Variants in IGSF10 observed in about 807,000 individuals in gnomAD.
IGSF10 encodes the protein immunoglobulin superfamily member 10.
IGSF10 carries 126 observed loss-of-function variants against 128.2 expected under a neutral mutation model. That is an observed-to-expected ratio of 0.98 (90% CI 0.85 to 1.14). The LOEUF (loss-of-function observed/expected upper bound fraction) is 1.14. Ranked by LOEUF, IGSF10 falls within the 50% of genes most tolerant of loss-of-function variation. The pLI is 0.00. For missense variants in IGSF10, 3,295 were observed against 3,149.8 expected, an observed-to-expected ratio of 1.05 and a Z score of -1.10; for synonymous variants, 1,185 against 1,146.2, an observed-to-expected ratio of 1.03 and a Z score of -0.68.
At chr3:151,577,458 A>G in the IGSF10 span, among the ~76,000 whole-genome samples, 1 of 152,174 alleles carries the variant, frequency 6.6e-6, no homozygotes, top group East Asian at 1.9e-4. Flanking sequence ...GTTGTGTCAC[A>G]TTCTAGACTT....
Position 151,449,184 on chromosome 3 carries a change from C to A in IGSF10, c.797G>T (p.Gly266Val), listed in dbSNP as rs755359430. 5 of 1,613,994 alleles carry A rather than the reference C, an allele frequency of 3.1e-6. No homozygotes were observed. The Admixed American group carries it at 6.7e-5, about 22-fold the overall frequency. Reference protein sequence around the residue: ...PLCMNPRTSKGKPLAMVSAAA... With the variant: ...PLCMNPRTSKVKPLAMVSAAA... Reference sequence around the variant, plus strand: ...AGCTGAGACCATAGCTAACGGCTTGCCTTTAGAAGTCCTAGGGTTCATGCA... The same window carrying A: ...AGCTGAGACCATAGCTAACGGCTTGACTTTAGAAGTCCTAGGGTTCATGCA... The change falls in exon 6 of 8, where the codon GGC (glycine) becomes GTC (valine). Residue 266 changes from glycine (G) to valine (V), a missense_variant. Gly to Val is a moderately radical substitution (Grantham distance 109). Coordinates refer to ENST00000282466, the MANE Select transcript of IGSF10 (RefSeq NM_178822.5).
chr3:151,511,009 C>G, the IGSF10 span, among the ~76,000 whole-genome samples: 147 of 152,058 alleles, frequency 9.7e-4, no homozygotes, highest in African/African-American at 3.4e-3. Flanking sequence ...GAAAGTGATG[C>G]GGAGAATGGA....
chr3:151,525,097 C>T, the IGSF10 span, among the ~76,000 whole-genome samples: 1 of 126,128 alleles, frequency 7.9e-6, no homozygotes, highest in Non-Finnish European at 1.6e-5. Context: ...ACAATTATAG[C>T]TCTCTGTAGC....
the IGSF10 span, among the ~76,000 whole-genome samples, chr3:151,521,355 C>T: frequency 3.6e-4 from 54 of 151,920 alleles, no homozygotes; most frequent in Admixed American, 1.2e-3. Context: ...AACATTGGGC[C>T]AAATGGATTT....
At chr3:151,440,294 T>C (rs1720770308) in intron 7 of IGSF10, among the ~76,000 whole-genome samples, 1 of 152,210 alleles carries the variant, frequency 6.6e-6, no homozygotes, top group South Asian at 2.1e-4. Flanking sequence ...TCTCCCAAAG[T>C]GCTGGAATGA....
the IGSF10 span, among the ~76,000 whole-genome samples, chr3:151,534,740 A>G: frequency 1.3e-5 from 2 of 151,682 alleles, no homozygotes; most frequent in South Asian, 4.2e-4. Flanking sequence ...CCACCACGGC[A>G]TGTGTGTACC....
the IGSF10 span, chr3:151,476,232 C>T: frequency 6.6e-6 from 1 of 152,182 alleles, no homozygotes; most frequent in Non-Finnish European, 1.5e-5. Flanking sequence ...TGCTTTTAAA[C>T]TGCCTCTAAG....
rs1157472724 is a variant in IGSF10 at position 151,446,207 on chromosome 3, A to G, written c.3774T>C (p.Ser1258=). 7 of 1,613,672 alleles carry G rather than the reference A, an allele frequency of 4.3e-6. No homozygotes were observed. The Admixed American group carries it at 8.3e-5, about 19-fold the overall frequency. ...SPFHFTTLST[S]VMQIPSNTLT... ...AGGTATTAGATGGAATTTGCATCAC[A>G]CTTGTTGAAAGTGTGGTGAAATGGA... Residue 1258 remains serine, a synonymous_variant, in exon 6 of 8, where the codon AGT becomes AGC. Transcript: ENST00000282466.
chr3:151,546,588 C>T, the IGSF10 span, among the ~76,000 whole-genome samples: 2 of 151,640 alleles, frequency 1.3e-5, no homozygotes, highest in South Asian at 4.2e-4. Flanking sequence ...AACTCCTGAG[C>T]TCAAATCCCT....
chr3:151,585,921 G>A, the IGSF10 span, among the ~76,000 whole-genome samples: 755 of 151,682 alleles, frequency 5.0e-3, 9 homozygotes, highest in African/African-American at 0.017. Flanking sequence ...GAGATTAAAC[G>A]TTATATTTAT....
At chr3:151,439,157 T>TG (rs1175774280) in intron 7 of IGSF10, among the ~76,000 whole-genome samples, 2 of 152,200 alleles carry the variant, frequency 1.3e-5, no homozygotes, top group Non-Finnish European at 2.9e-5. Context: ...CTAGACACCA[T>TG]GACTTCCTTG....
At chr3:151,452,032 A>G (rs893853554) in intron 5 of IGSF10, among the ~76,000 whole-genome samples, 5 of 152,220 alleles carry the variant, frequency 3.3e-5, no homozygotes, top group Admixed American at 2.0e-4. Flanking sequence ...ACCTGAAGCC[A>G]TGAACAACTG....
intron 3 of IGSF10, 142 bp from the exon 4 acceptor site, chr3:151,457,297 G>T: frequency 1.3e-6 from 1 of 787,476 alleles, no homozygotes; most frequent in Non-Finnish European, 2.0e-6. Context: ...TTCAAAAACT[G>T]AAATTCACCA....
the IGSF10 span, among the ~76,000 whole-genome samples, chr3:151,582,799 C>T: frequency 1.3e-5 from 2 of 152,164 alleles, no homozygotes; most frequent in South Asian, 4.1e-4. Flanking sequence ...TAGTGAGCAA[C>T]ATTTTCTCAT....
the IGSF10 span, among the ~76,000 whole-genome samples, chr3:151,550,119 G>A: frequency 2.6e-5 from 4 of 152,136 alleles, no homozygotes; most frequent in Non-Finnish European, 5.9e-5. Flanking sequence ...ACTTGTAGTA[G>A]TTCATTAATA....
chr3:151,607,622 G>C, the IGSF10 span, among the ~76,000 whole-genome samples: 1 of 151,922 alleles, frequency 6.6e-6, no homozygotes, highest in Non-Finnish European at 1.5e-5. Flanking sequence ...TTAAGAAGTG[G>C]GAACATGGGC....
chr3:151,541,969 A>G, the IGSF10 span, among the ~76,000 whole-genome samples: 4 of 152,120 alleles, frequency 2.6e-5, no homozygotes, highest in Non-Finnish European at 4.4e-5. Flanking sequence ...CTTCATTTTA[A>G]TCTCTTTTCC....
intron 2 of IGSF10, among the ~76,000 whole-genome samples, chr3:151,459,939 G>A (rs1186368751): frequency 6.6e-6 from 1 of 152,132 alleles, no homozygotes; most frequent in Non-Finnish European, 1.5e-5. Flanking sequence ...GATGATGGAT[G>A]TATTATTATA....
chr3:151,506,681 A>G, the IGSF10 span, among the ~76,000 whole-genome samples: 2 of 152,232 alleles, frequency 1.3e-5, no homozygotes, highest in South Asian at 2.1e-4. Context: ...TGTGGGCCTA[A>G]AATCTTAGCT....
Sources: allele counts gnomAD v4.1 joint callset (sites outside exome capture counted in the v4.1 genomes callset), GRCh38; gene constraint gnomAD v4.1.1; transcripts MANE v1.5; gene names NCBI Gene and HGNC (gene_info 2026-07-23, HGNC 2026-07-21).